The following C13orf46 variants were observed in gnomAD, a reference collection of about 807,000 sequenced individuals.
C13orf46 encodes uncharacterized protein C13orf46.
the C13orf46 span, among the ~76,000 whole-genome samples, chr13:113,930,860 C>T: frequency 2.6e-5 from 4 of 152,172 alleles, no homozygotes; most frequent in Non-Finnish European, 5.9e-5. Flanking sequence ...GTGGTCCTGG[C>T]GGCCGCTCCT....
intron 6 of C13orf46, among the ~76,000 whole-genome samples, chr13:113,961,943 G>A (rs1385424381): frequency 1.3e-5 from 2 of 152,070 alleles, no homozygotes; most frequent in Non-Finnish European, 2.9e-5. Context: ...CTGGAACTAT[G>A]AAGTGTGCAG....
intron 6 of C13orf46, among the ~76,000 whole-genome samples, chr13:113,962,782 G>A (rs1436973170): frequency 2.6e-5 from 4 of 152,172 alleles, no homozygotes; most frequent in African/African-American, 4.8e-5. Flanking sequence ...AACAGCCATC[G>A]AGCTGTGTGC....
the C13orf46 span, among the ~76,000 whole-genome samples, chr13:113,929,758 C>T: frequency 6.6e-6 from 1 of 152,232 alleles, no homozygotes; most frequent in Non-Finnish European, 1.5e-5. Context: ...AACCCGCTGC[C>T]AGTGGGCCTT....
intron 5 of C13orf46, among the ~76,000 whole-genome samples, chr13:113,966,276 G>C (rs2052646492): frequency 6.8e-6 from 1 of 148,110 alleles, no homozygotes; most frequent in African/African-American, 2.5e-5. Context: ...GACAGTGATG[G>C]TGGTGATGAT....
chr13:113,945,891 G>A, the C13orf46 span, among the ~76,000 whole-genome samples: 2 of 128,270 alleles, frequency 1.6e-5, no homozygotes, highest in Non-Finnish European at 3.6e-5. Flanking sequence ...TCAGCCAGGG[G>A]AACCACCTTG....
In C13orf46 at chr13:113,954,272, C is replaced by T. The variant is rs2052502971; in HGVS notation, c.*2501G>A. ...CTTAGAGACACCCGGATCAGAGATG[C>T]TGCAGGTCACCTGCCCGTGCCCTCC... is the stretch of plus-strand genomic sequence containing the variant. On this transcript the variant is annotated 3_prime_UTR_variant, in exon 7 of 7. Coordinates refer to ENST00000636427, the MANE Select transcript of C13orf46 (RefSeq NM_001365455.2). 6.6e-6 allele frequency: 1 copy of T among 152,462 alleles called. No homozygotes were observed. Among genetic ancestry groups the T allele is most frequent in the Admixed American group, 6.5e-5 (1 of 15,318 alleles). 9.4% of individuals were successfully genotyped at this position (152,462 alleles called of 1,614,324 possible).
chr13:113,941,571 G>A, the C13orf46 span, among the ~76,000 whole-genome samples: 12 of 152,252 alleles, frequency 7.9e-5, no homozygotes, highest in African/African-American at 2.9e-4. Flanking sequence ...GGGACTCTGT[G>A]TGTGAGGCTG....
chr13:113,963,781 C>T (rs2052612108), intron 6 of C13orf46, among the ~76,000 whole-genome samples: 1 of 152,018 alleles, frequency 6.6e-6, no homozygotes, highest in Admixed American at 6.6e-5. Flanking sequence ...GATTTTTAAA[C>T]ATTTCTCTCT....
the C13orf46 span, among the ~76,000 whole-genome samples, chr13:113,945,084 C>T: frequency 2.7e-5 from 4 of 149,396 alleles, no homozygotes; most frequent in East Asian, 4.0e-4. Context: ...GTGTGACGGG[C>T]CCTCCAGGTG....
At chr13:113,929,580 G>A in the C13orf46 span, among the ~76,000 whole-genome samples, 5 of 152,252 alleles carry the variant, frequency 3.3e-5, no homozygotes, top group African/African-American at 1.2e-4. Context: ...GAGGTGCCAT[G>A]TGGGACGAAA....
At chr13:113,966,238 C>T (rs895119642) in intron 5 of C13orf46, among the ~76,000 whole-genome samples, 10 of 90,252 alleles carry the variant, frequency 1.1e-4, no homozygotes, top group East Asian at 3.7e-4. Context: ...ATGGGGATAG[C>T]GATAGTGGTG....
chr13:113,947,702 C>T, the C13orf46 span, among the ~76,000 whole-genome samples: 2 of 152,160 alleles, frequency 1.3e-5, no homozygotes, highest in Non-Finnish European at 2.9e-5. Flanking sequence ...TTCCTTGGGC[C>T]CAGGCCTGTA....
intron 6 of C13orf46, among the ~76,000 whole-genome samples, chr13:113,958,854 G>GC (rs2052564179): frequency 6.6e-6 from 1 of 152,202 alleles, no homozygotes; most frequent in Non-Finnish European, 1.5e-5. Context: ...AGCTGCACGT[G>GC]GTGGGGTCTC....
At chr13:113,932,761 T>C in the C13orf46 span, among the ~76,000 whole-genome samples, 37 of 152,336 alleles carry the variant, frequency 2.4e-4, no homozygotes, top group African/African-American at 8.9e-4. Context: ...ACTTTTTGTG[T>C]TCTATTTAAA....
At chr13:113,945,680 A>AGAAAGGAAGGAAAG in the C13orf46 span, among the ~76,000 whole-genome samples, 1 of 92,640 alleles carries the variant, frequency 1.1e-5, no homozygotes, top group African/African-American at 4.0e-5. Flanking sequence ...AAGGAAAGAA[A>AGAAAGGAAGGAAAG]AACAAACCAA....
the C13orf46 span, among the ~76,000 whole-genome samples, chr13:113,931,909 G>C: frequency 6.6e-6 from 1 of 151,618 alleles, no homozygotes; most frequent in East Asian, 1.9e-4. Flanking sequence ...CCACAATCGA[G>C]ACCATGGACA....
At chr13:113,948,520 G>T in the C13orf46 span, among the ~76,000 whole-genome samples, 1 of 152,186 alleles carries the variant, frequency 6.6e-6, no homozygotes, top group Non-Finnish European at 1.5e-5. Context: ...AACTGACACT[G>T]CCCAGAAACT....
chr13:113,931,607 A>G, the C13orf46 span, among the ~76,000 whole-genome samples: 1 of 152,106 alleles, frequency 6.6e-6, no homozygotes, highest in African/African-American at 2.4e-5. Context: ...GGGGGTTCCT[A>G]GTGTGTTTCA....
chr13:113,965,728 ATGG>A (rs2052630441), intron 5 of C13orf46, among the ~76,000 whole-genome samples: 1 of 140,372 alleles, frequency 7.1e-6, no homozygotes, highest in Non-Finnish European at 1.5e-5. Context: ...GGTGGTGATG[ATGG>A]TGAAGGTGAT....
Sources: gnomAD v4.1 joint callset for allele counts (sites outside exome capture counted in the v4.1 genomes callset) on GRCh38, gnomAD v4.1.1 for gene constraint, MANE v1.5 for transcripts, NCBI Gene and HGNC (gene_info 2026-07-23, HGNC 2026-07-21) for gene names.